DLGAP2: variants seen among roughly 807,000 people sequenced by gnomAD.
DLGAP2 encodes disks large-associated protein 2.
Under a neutral mutation model 100.3 loss-of-function variants are expected in DLGAP2, and 26 were observed. The observed-to-expected ratio is 0.26, with a 90% CI of 0.19 to 0.36. The LOEUF is 0.36. Among genes scored for constraint, DLGAP2 ranks in the 10% least tolerant of loss-of-function variants. The probability of loss-of-function intolerance (pLI) is 1.00; values close to 1 mark genes in which losing one functional copy is unlikely to be tolerated. For missense variants in DLGAP2, 1,858 were observed against 1,453.2 expected, an observed-to-expected ratio of 1.28 and a Z score of -4.53; for synonymous variants, 886 against 630.1, an observed-to-expected ratio of 1.41 and a Z score of -6.08.
At chr8:928,687 C>A (rs1798873447) in intron 2 of DLGAP2, among the ~76,000 whole-genome samples, 2 of 152,222 alleles carry the variant, frequency 1.3e-5, no homozygotes, top group South Asian at 4.1e-4. Context: ...TTGCCTTGCA[C>A]CCCGGGTCAG....
intron 6 of DLGAP2, among the ~76,000 whole-genome samples, chr8:1,584,361 A>G (rs1160281901): frequency 6.6e-6 from 1 of 152,214 alleles, no homozygotes; most frequent in Non-Finnish European, 1.5e-5. Flanking sequence ...CTATTAGTCA[A>G]AACGGGAGCA....
chr8:1,433,145 G>A (rs995165356), intron 3 of DLGAP2, among the ~76,000 whole-genome samples: 2 of 152,180 alleles, frequency 1.3e-5, no homozygotes, highest in Non-Finnish European at 2.9e-5. Context: ...GGAAGCCCCC[G>A]CCATGAGCCC....
At chr8:789,759 C>A (rs1585865369) in intron 1 of DLGAP2, among the ~76,000 whole-genome samples, 1 of 152,144 alleles carries the variant, frequency 6.6e-6, no homozygotes. Context: ...AAACACAGGC[C>A]CTGCTTGGCA....
At chr8:1,161,806 G>C (rs1796895468) in intron 2 of DLGAP2, among the ~76,000 whole-genome samples, 2 of 151,780 alleles carry the variant, frequency 1.3e-5, no homozygotes. Context: ...GCCTGCTGGG[G>C]ATAGACAGAG....
At chr8:1,630,875 A>G (rs1229427959) in intron 7 of DLGAP2, among the ~76,000 whole-genome samples, 4 of 148,912 alleles carry the variant, frequency 2.7e-5, no homozygotes, top group African/African-American at 1.0e-4. Context: ...TCATGTCCCG[A>G]GGGTCTCGGC....
At chr8:948,792 C>G (rs914768738) in intron 2 of DLGAP2, among the ~76,000 whole-genome samples, 1 of 152,264 alleles carries the variant, frequency 6.6e-6, no homozygotes. Context: ...TCAGACACTG[C>G]CTTTCGCCAT....
chr8:1,441,198 T>C (rs1797819878), intron 3 of DLGAP2, among the ~76,000 whole-genome samples: 1 of 152,212 alleles, frequency 6.6e-6, no homozygotes, highest in Non-Finnish European at 1.5e-5. Context: ...AGTGTTAATC[T>C]TTTCATTAAA....
intron 6 of DLGAP2, among the ~76,000 whole-genome samples, chr8:1,616,717 A>G (rs1584998340): frequency 6.6e-6 from 1 of 152,324 alleles, no homozygotes. Context: ...ACTTAAATAC[A>G]TGTATCCACA....
intron 1 of DLGAP2, among the ~76,000 whole-genome samples, chr8:772,800 A>G (rs1189887437): frequency 6.6e-6 from 1 of 152,324 alleles, no homozygotes; most frequent in Non-Finnish European, 1.5e-5. Flanking sequence ...TGTGGCATGC[A>G]TGGAATTAAG....
rs116022415 is a variant in DLGAP2 at position 808,629 on chromosome 8, G to A, written c.18+70804G>A. ...AGGGCGGAGCCTGTGTGAGGAGGGC[G>A]GCCGCTGTCCGAGCTCCTGCCCACC... On this transcript the variant is annotated intron_variant, in intron 1 of 14. Transcript: ENST00000637795. Among the ~76,000 whole-genome samples, 847 of 152,260 alleles carry A rather than the reference G, an allele frequency of 5.6e-3. 7 individuals are homozygous for A. The highest frequency in any genetic ancestry group is 0.019 in the African/African-American group (807 of 41,546).
chr8:828,756 C>G (rs1796728507), intron 1 of DLGAP2, among the ~76,000 whole-genome samples: 1 of 152,150 alleles, frequency 6.6e-6, no homozygotes, highest in Non-Finnish European at 1.5e-5. Context: ...TAAAGACAGG[C>G]ATAAGAAATT....
intron 1 of DLGAP2, among the ~76,000 whole-genome samples, chr8:861,213 A>G (rs764652777): frequency 2.0e-5 from 3 of 152,236 alleles, no homozygotes; most frequent in Non-Finnish European, 2.9e-5. Context: ...CAGTATAACA[A>G]CTATTGACAT....
intron 4 of DLGAP2, among the ~76,000 whole-genome samples, chr8:1,507,497 C>A (rs1239200925): frequency 2.0e-5 from 3 of 152,138 alleles, no homozygotes; most frequent in East Asian, 3.9e-4. Flanking sequence ...CCCATGAGCC[C>A]ACACCTCTCC....
chr8:1,449,470 G>A (rs1178273081), intron 3 of DLGAP2, among the ~76,000 whole-genome samples: 2 of 152,162 alleles, frequency 1.3e-5, no homozygotes, highest in Non-Finnish European at 2.9e-5. Context: ...GCAGTGGGAC[G>A]GGACGGCACC....
chr8:1,126,660 G>T (rs996937425), intron 2 of DLGAP2, among the ~76,000 whole-genome samples: 2 of 152,162 alleles, frequency 1.3e-5, no homozygotes, highest in Non-Finnish European at 2.9e-5. Flanking sequence ...CGCTGTGGGC[G>T]GTGCTCTGCT....
chr8:1,362,280 C>G (rs1027120424), intron 3 of DLGAP2, among the ~76,000 whole-genome samples: 1 of 151,978 alleles, frequency 6.6e-6, no homozygotes, highest in Non-Finnish European at 1.5e-5. Flanking sequence ...GGCAGGTAAA[C>G]GGGTCGAATC....
chr8:1,663,417 G>C (rs559378602), intron 8 of DLGAP2, among the ~76,000 whole-genome samples: 1 of 152,176 alleles, frequency 6.6e-6, no homozygotes, highest in Non-Finnish European at 1.5e-5. Flanking sequence ...GTCTTCGCCA[G>C]CTTCTCTGGA....
intron 1 of DLGAP2, among the ~76,000 whole-genome samples, chr8:897,345 G>T (rs762058339): frequency 1.3e-5 from 2 of 152,184 alleles, no homozygotes; most frequent in South Asian, 4.1e-4. Context: ...TGAACACCAC[G>T]ATTGTGCCGA....
chr8:950,684 C>T (rs1266088540), intron 2 of DLGAP2, among the ~76,000 whole-genome samples: 6 of 148,396 alleles, frequency 4.0e-5, no homozygotes, highest in East Asian at 4.0e-4. Context: ...TGTAGTGGCA[C>T]GATCTTGGCT....
Sources: allele counts gnomAD v4.1 joint callset (sites outside exome capture counted in the v4.1 genomes callset), GRCh38; gene constraint gnomAD v4.1.1; transcripts MANE v1.5; gene names NCBI Gene and HGNC (gene_info 2026-07-23, HGNC 2026-07-21).